The following CLTRN variants were observed in gnomAD, a reference collection of about 807,000 sequenced individuals.
The protein encoded by CLTRN is collectrin.
In CLTRN, 12 loss-of-function variants were observed where a neutral mutation model predicts 14.5. That is an observed-to-expected ratio of 0.83 (90% CI 0.53 to 1.34). CLTRN has a LOEUF of 1.34. CLTRN is among the 40% of genes most tolerant of loss of function. The pLI is 0.00. For synonymous variants in CLTRN, 58 were observed against 56.5 expected (o/e 1.03, Z -0.12); for missense variants, 154 against 165.1 (o/e 0.93, Z 0.37).
At chrX:15,631,550 C>G (rs1329727922) in intron 5 of CLTRN, among the ~76,000 whole-genome samples, 4 of 112,130 alleles carry the variant, frequency 3.6e-5, no homozygotes, top group African/African-American at 9.7e-5. Flanking sequence ...AAAAATGATT[C>G]ATCAGGCATC....
intron 5 of CLTRN, among the ~76,000 whole-genome samples, chrX:15,630,705 G>A (rs781380013): frequency 8.9e-6 from 1 of 111,910 alleles, no homozygotes; most frequent in Non-Finnish European, 1.9e-5. Flanking sequence ...TGTGGTCCTA[G>A]AGACCTAGGG....
chrX:15,664,531 TG>T, intron 1 of CLTRN, 136 bp from the exon 2 acceptor site: 1 of 662,178 alleles, frequency 1.5e-6, no homozygotes, highest in East Asian at 3.5e-5. Flanking sequence ...CAAATACTCC[TG>T]GAAGTTTAAC....
At chrX:15,674,297 T>A (rs771344149) in intron 1 of CLTRN, among the ~76,000 whole-genome samples, 1 of 111,314 alleles carries the variant, frequency 9.0e-6, no homozygotes, top group East Asian at 2.8e-4. Context: ...CAAACAGAGG[T>A]CTGAATGTGG....
At chrX:15,628,695 G>T (rs948545018) in intron 5 of CLTRN, among the ~76,000 whole-genome samples, 1 of 112,026 alleles carries the variant, frequency 8.9e-6, no homozygotes, top group Non-Finnish European at 1.9e-5. Context: ...AAATATTGCT[G>T]CTTGGCTCTA....
At chrX:15,655,410 G>A (rs948286256) in intron 3 of CLTRN, among the ~76,000 whole-genome samples, 1 of 111,581 alleles carries the variant, frequency 9.0e-6, no homozygotes, top group South Asian at 3.8e-4. Context: ...ATCTTCCCCT[G>A]ACATGGGTGA....
At chrX:15,646,540 A>C in intron 3 of CLTRN, 1 of 334,678 alleles carries the variant, frequency 3.0e-6, no homozygotes, top group East Asian at 1.0e-4. Flanking sequence ...GTCCAGGAGA[A>C]CTGCAAGGTC....
At chrX:15,644,010 T>C (rs1428497734) in intron 4 of CLTRN, among the ~76,000 whole-genome samples, 2 of 112,155 alleles carry the variant, frequency 1.8e-5, no homozygotes, top group African/African-American at 3.2e-5. Flanking sequence ...TTTTGACACA[T>C]ACCAAAGGCA....
intron 5 of CLTRN, among the ~76,000 whole-genome samples, chrX:15,631,497 G>A (rs1014790491): frequency 3.6e-5 from 4 of 112,124 alleles, no homozygotes; most frequent in African/African-American, 1.3e-4. Context: ...CGTATGTGAT[G>A]ATCATTACAA....
At chrX:15,629,714 C>T (rs942249596) in intron 5 of CLTRN, among the ~76,000 whole-genome samples, 12 of 111,197 alleles carry the variant, frequency 1.1e-4, no homozygotes, top group South Asian at 7.6e-4. Context: ...ATGTGAGAGA[C>T]GGTTGGAGAA....
chrX:15,640,911 T>G (rs1362682479), intron 4 of CLTRN, among the ~76,000 whole-genome samples: 1 of 111,773 alleles, frequency 8.9e-6, no homozygotes, highest in Non-Finnish European at 1.9e-5. Flanking sequence ...GAGGCAAATA[T>G]GGGCACAGTG....
intron 5 of CLTRN, among the ~76,000 whole-genome samples, chrX:15,635,932 CG>C (rs1928807912): frequency 9.0e-6 from 1 of 111,597 alleles, no homozygotes; most frequent in Non-Finnish European, 1.9e-5. Flanking sequence ...AAATGCCCAA[CG>C]GGTACATGAA....
chrX:15,658,032 T>A (rs1231790315), intron 3 of CLTRN, among the ~76,000 whole-genome samples: 2 of 111,483 alleles, frequency 1.8e-5, no homozygotes, highest in African/African-American at 6.5e-5. Context: ...TATTATAGAA[T>A]TAAGACAAAA....
intron 1 of CLTRN, among the ~76,000 whole-genome samples, chrX:15,671,111 A>G (rs1249691089): frequency 3.6e-5 from 4 of 111,728 alleles, no homozygotes; most frequent in Non-Finnish European, 7.5e-5. Flanking sequence ...AACCAAATAT[A>G]GTCTCTGCCC....
At chrX:15,633,508 A>G (rs1928749365) in intron 5 of CLTRN, among the ~76,000 whole-genome samples, 1 of 112,600 alleles carries the variant, frequency 8.9e-6, no homozygotes. Flanking sequence ...TTAGATTTTT[A>G]TCAGGTATGT....
chrX:15,675,289 T>A (rs1003358462), upstream of CLTRN, among the ~76,000 whole-genome samples: 1 of 111,537 alleles, frequency 9.0e-6, no homozygotes, highest in Non-Finnish European at 1.9e-5. Flanking sequence ...TGTGACTGGA[T>A]GATCACTGGG....
At chrX:15,672,512 T>C (rs1219344267) in intron 1 of CLTRN, among the ~76,000 whole-genome samples, 1 of 61,460 alleles carries the variant, frequency 1.6e-5, no homozygotes, top group African/African-American at 6.5e-5. Flanking sequence ...CTATAAAGGG[T>C]GTGGGGGCGG....
chrX:15,647,110 G>C (rs933652305), intron 3 of CLTRN, among the ~76,000 whole-genome samples: 10 of 112,286 alleles, frequency 8.9e-5, no homozygotes, highest in African/African-American at 3.2e-4. Flanking sequence ...AGCTTCGCCA[G>C]GTGGGCCATG....
chrX:15,648,680 G>A (rs6632692), intron 3 of CLTRN, among the ~76,000 whole-genome samples: 1 of 109,962 alleles, frequency 9.1e-6, no homozygotes, highest in Non-Finnish European at 1.9e-5. Context: ...GCATGGTGAC[G>A]CACACGTGTA....
At chrX:15,635,192 C>T (rs1410675163) in intron 5 of CLTRN, among the ~76,000 whole-genome samples, 1 of 110,361 alleles carries the variant, frequency 9.1e-6, no homozygotes, top group African/African-American at 3.3e-5. Context: ...GCAAATGCTA[C>T]AAATTAGGGT....
Sources: gnomAD v4.1 joint callset for allele counts (sites outside exome capture counted in the v4.1 genomes callset) on GRCh38, gnomAD v4.1.1 for gene constraint, MANE v1.5 for transcripts, NCBI Gene and HGNC (gene_info 2026-07-23, HGNC 2026-07-21) for gene names.